MTA3: variants seen among roughly 807,000 people sequenced by gnomAD.
MTA3 encodes metastasis associated 1 family member 3, also known as metastasis-associated protein MTA3.
MTA3 carries 34 observed loss-of-function variants against 83.5 expected under a neutral mutation model. That is an observed-to-expected ratio of 0.41 (90% CI 0.31 to 0.54). The LOEUF is 0.54. Among genes scored for constraint, MTA3 ranks in the 20% least tolerant of loss-of-function variants. The pLI, the probability that MTA3 is intolerant of heterozygous loss-of-function variation, is 0.33. For missense variants in MTA3, 761 were observed against 726.4 expected (o/e 1.05, Z -0.55); for synonymous variants, 303 against 252.7 (o/e 1.20, Z -1.89).
At chr2:42,679,625 A>G (rs1691687355) in intron 8 of MTA3, among the ~76,000 whole-genome samples, 1 of 152,222 alleles carries the variant, frequency 6.6e-6, no homozygotes, top group African/African-American at 2.4e-5. Context: ...ACCCATGCAG[A>G]AGCATCTTGT....
intron 2 of MTA3, among the ~76,000 whole-genome samples, chr2:42,556,176 CCTGA>C (rs1677382621): frequency 6.6e-6 from 1 of 152,096 alleles, no homozygotes; most frequent in Non-Finnish European, 1.5e-5. Flanking sequence ...ATGCAGCCAG[CCTGA>C]CTGTTTGGGT....
At chr2:42,508,705 G>A (rs1674753009) in intron 2 of MTA3, among the ~76,000 whole-genome samples, 2 of 149,278 alleles carry the variant, frequency 1.3e-5, no homozygotes, top group Non-Finnish European at 3.0e-5. Context: ...CTCTGGTGAG[G>A]GATATTAGTT....
In MTA3 at chr2:42,704,216, A is replaced by G. The variant is rs751611365; in HGVS notation, c.1048A>G (p.Ile350Val). ...AAGCAGCAAACCAAATCCCAACCAAATATCCACTAGTAATGGGAAGCCTGG... is the reference window on the plus strand; with the variant it reads ...AAGCAGCAAACCAAATCCCAACCAAGTATCCACTAGTAATGGGAAGCCTGG... Reference protein sequence around the residue: ...PTYSKPNPNQISTSNGKPGAV... With the variant: ...PTYSKPNPNQVSTSNGKPGAV... The change falls in exon 12 of 17, where the codon ATA (isoleucine) becomes GTA (valine). Residue 350 changes from isoleucine (I) to valine (V), a missense_variant. Ile to Val is a conservative substitution (Grantham distance 29). Transcript: ENST00000405094. 1.2e-6 allele frequency: 2 copies of G among 1,613,934 alleles called. No individual in the cohort carries two copies. The highest frequency in any genetic ancestry group is 1.7e-6 in the Non-Finnish European group (2 of 1,179,852).
At chr2:42,615,973 G>T (rs1231769964) in intron 4 of MTA3, among the ~76,000 whole-genome samples, 1 of 151,844 alleles carries the variant, frequency 6.6e-6, no homozygotes, top group Non-Finnish European at 1.5e-5. Context: ...GCCCACCTCA[G>T]CCTCCCAAAG....
intron 9 of MTA3, among the ~76,000 whole-genome samples, chr2:42,690,991 C>T (rs1336636642): frequency 6.6e-6 from 1 of 152,024 alleles, no homozygotes; most frequent in Admixed American, 6.6e-5. Flanking sequence ...ATTCTCCTGC[C>T]TCAGCCTCCC....
At chr2:42,652,387 C>A (rs1024129198) in intron 6 of MTA3, among the ~76,000 whole-genome samples, 1 of 152,186 alleles carries the variant, frequency 6.6e-6, no homozygotes, top group Non-Finnish European at 1.5e-5. Flanking sequence ...CATCCCCCCA[C>A]GTAAAAGACA....
chr2:42,754,840 G>T lies in MTA3; in HGVS notation c.*1441G>T. 1 of 985,554 alleles carries T rather than the reference G, an allele frequency of 1.0e-6. No individual in the cohort carries two copies. Among genetic ancestry groups the T allele is most frequent in the Non-Finnish European group, 1.2e-6 (1 of 830,004 alleles). 61.1% of individuals were successfully genotyped at this position (985,554 alleles called of 1,614,324 possible). A position where few individuals can be genotyped will look rare whatever the true frequency, so the allele number is the denominator to read the frequency against. ...TGCTGTAGATGTCTGTGTCCTCGGA[G>T]GCTGAGCTCCGCTTGGCAGAGAGAG... On this transcript the variant is annotated 3_prime_UTR_variant, in exon 17 of 17. Transcript: ENST00000405094.
intron 6 of MTA3, among the ~76,000 whole-genome samples, chr2:42,655,933 A>G (rs952317103): frequency 2.0e-5 from 3 of 152,182 alleles, no homozygotes; most frequent in Admixed American, 6.5e-5. Flanking sequence ...GTCTCTTAGC[A>G]TGGCACTTAC....
intron 5 of MTA3, among the ~76,000 whole-genome samples, chr2:42,640,676 A>G (rs1002848521): frequency 6.6e-6 from 1 of 152,162 alleles, no homozygotes; most frequent in African/African-American, 2.4e-5. Flanking sequence ...AGTTAAAAAT[A>G]TTTTTCACTA....
chr2:42,526,824 G>T (rs775612813), intron 2 of MTA3, among the ~76,000 whole-genome samples: 1 of 152,046 alleles, frequency 6.6e-6, no homozygotes. Flanking sequence ...AGGAGGCCAA[G>T]GCGGGCAGAT....
At chr2:42,538,799 G>T (rs1374495690) in intron 2 of MTA3, among the ~76,000 whole-genome samples, 4 of 132,564 alleles carry the variant, frequency 3.0e-5, no homozygotes, top group Non-Finnish European at 6.2e-5. Flanking sequence ...ACGGAGTCTC[G>T]CCTTGTCGCC....
At chr2:42,663,243 T>C (rs986545492) in intron 8 of MTA3, among the ~76,000 whole-genome samples, 1 of 152,146 alleles carries the variant, frequency 6.6e-6, no homozygotes, top group Non-Finnish European at 1.5e-5. Flanking sequence ...AGAGTTCTCG[T>C]GGCAGCTGGG....
chr2:42,681,305 T>G (rs568352583), intron 8 of MTA3, among the ~76,000 whole-genome samples: 38 of 152,284 alleles, frequency 2.5e-4, no homozygotes, highest in African/African-American at 9.1e-4. Context: ...TTGTTTTGCT[T>G]TTTCTGTGCA....
At chr2:42,520,326 C>T (rs1357279951) in intron 2 of MTA3, among the ~76,000 whole-genome samples, 4 of 152,136 alleles carry the variant, frequency 2.6e-5, no homozygotes, top group Non-Finnish European at 5.9e-5. Context: ...TCCACAGGCA[C>T]CACAAAATCA....
At chr2:42,507,063 G>T (rs1674667992) in intron 2 of MTA3, among the ~76,000 whole-genome samples, 1 of 152,058 alleles carries the variant, frequency 6.6e-6, no homozygotes, top group Non-Finnish European at 1.5e-5. Flanking sequence ...ATCACGCTTG[G>T]CTAATTTTTT....
intron 4 of MTA3, among the ~76,000 whole-genome samples, chr2:42,614,449 G>C (rs558655480): frequency 6.6e-6 from 1 of 152,236 alleles, no homozygotes; most frequent in South Asian, 2.1e-4. Flanking sequence ...TGTATCATCT[G>C]ACTTACAAAT....
Position 42,755,808 on chromosome 2 carries a change from G to A in MTA3, c.*2409G>A. ...GCACATGGGTGGACGTGCAGAGACT[G>A]TCTGCGCAGCCCCCAGCAGACATGC... is the stretch of plus-strand genomic sequence containing the variant. On this transcript the variant is annotated 3_prime_UTR_variant, in exon 17 of 17. Coordinates refer to ENST00000405094, the MANE Select transcript of MTA3 (RefSeq NM_001330442.2). 1 of 985,496 alleles carries A rather than the reference G, an allele frequency of 1.0e-6. No individual in the cohort carries two copies. 61.0% of individuals were successfully genotyped at this position (985,496 alleles called of 1,614,324 possible).
At chr2:42,560,526 T>G (rs1297790159) in intron 2 of MTA3, among the ~76,000 whole-genome samples, 2 of 149,550 alleles carry the variant, frequency 1.3e-5, no homozygotes, top group Non-Finnish European at 3.0e-5. Flanking sequence ...CACTCCAGCC[T>G]GGGCAACAGA....
At chr2:42,726,452 C>T (rs1025922254) in intron 16 of MTA3, among the ~76,000 whole-genome samples, 44 of 151,984 alleles carry the variant, frequency 2.9e-4, no homozygotes, top group Middle Eastern at 3.4e-3. Flanking sequence ...TGTGCTGCAC[C>T]CATTAACTCG....
Sources: gnomAD v4.1 joint callset for allele counts (sites outside exome capture counted in the v4.1 genomes callset) on GRCh38, gnomAD v4.1.1 for gene constraint, MANE v1.5 for transcripts, NCBI Gene and HGNC (gene_info 2026-07-23, HGNC 2026-07-21) for gene names.